The following TMEM108 variants were observed in gnomAD, a reference collection of about 807,000 sequenced individuals.
TMEM108 encodes the protein transmembrane protein 108, also known as cancer/testis antigen 124.
A neutral mutation model predicts 35.1 loss-of-function variants in TMEM108; 12 were observed. That is an observed-to-expected ratio of 0.34 (90% CI 0.22 to 0.55). The LOEUF (loss-of-function observed/expected upper bound fraction) is 0.55. Ranked by LOEUF, TMEM108 falls within the 20% of genes least tolerant of loss-of-function variation. The pLI is 0.89. For missense variants in TMEM108, 680 were observed against 753.3 expected, an observed-to-expected ratio of 0.90 and a Z score of 1.14; for synonymous variants, 287 against 308.6, an observed-to-expected ratio of 0.93 and a Z score of 0.73.
chr3:133,150,928 G>C (rs563648121), intron 2 of TMEM108, among the ~76,000 whole-genome samples: 4 of 152,034 alleles, frequency 2.6e-5, no homozygotes, highest in African/African-American at 9.7e-5. Context: ...AACATTTCCT[G>C]GTCAGTCCCC....
At chr3:133,240,442 G>A (rs561884398) in intron 3 of TMEM108, among the ~76,000 whole-genome samples, 1 of 152,192 alleles carries the variant, frequency 6.6e-6, no homozygotes, top group African/African-American at 2.4e-5. Context: ...AATGCCAATG[G>A]GGACTAAGAA....
At chr3:133,166,139 G>C (rs1223733002) in intron 2 of TMEM108, among the ~76,000 whole-genome samples, 1 of 152,204 alleles carries the variant, frequency 6.6e-6, no homozygotes, top group Non-Finnish European at 1.5e-5. Flanking sequence ...AGTGTTTGTA[G>C]CTGCTAGGGA....
At chr3:133,103,730 T>C (rs1944116482) in intron 2 of TMEM108, among the ~76,000 whole-genome samples, 1 of 152,204 alleles carries the variant, frequency 6.6e-6, no homozygotes, top group African/African-American at 2.4e-5. Flanking sequence ...CATTCCTTGA[T>C]TTCTAATTCC....
At chr3:133,109,342 G>T (rs1352553597) in intron 2 of TMEM108, among the ~76,000 whole-genome samples, 1 of 151,916 alleles carries the variant, frequency 6.6e-6, no homozygotes, top group African/African-American at 2.4e-5. Context: ...CAAATTTGAG[G>T]TACTGCCAGG....
chr3:133,155,105 G>T (rs1244515236), intron 2 of TMEM108, among the ~76,000 whole-genome samples: 1 of 152,026 alleles, frequency 6.6e-6, no homozygotes, highest in Admixed American at 6.6e-5. Flanking sequence ...GAGAACATGT[G>T]GTATTTGGTT....
intron 2 of TMEM108, among the ~76,000 whole-genome samples, chr3:133,152,412 A>G (rs867748382): frequency 6.6e-6 from 1 of 152,206 alleles, no homozygotes; most frequent in Non-Finnish European, 1.5e-5. Context: ...TCATAAGGGC[A>G]GAAGAGAAGC....
intron 3 of TMEM108, among the ~76,000 whole-genome samples, chr3:133,274,265 T>G (rs1946810417): frequency 6.6e-6 from 1 of 152,248 alleles, no homozygotes; most frequent in Non-Finnish European, 1.5e-5. Flanking sequence ...TGTTTTGTTT[T>G]TCATAAACTG....
chr3:133,123,070 C>T (rs1246984529), intron 2 of TMEM108, among the ~76,000 whole-genome samples: 2 of 152,142 alleles, frequency 1.3e-5, no homozygotes, highest in Admixed American at 6.5e-5. Context: ...ACATGTAACA[C>T]ACATCTATGC....
rs557181142 is a variant in TMEM108, at chr3:133,097,010, C to T, written c.-47+50990C>T. ...CTACTTCTTTTCTCTTCTGTCCGCA[C>T]CCTTGCATGTCACGGGAAGGACTAA... On this transcript the variant is annotated intron_variant, in intron 2 of 5. Transcript: ENST00000321871. 4.9e-4 allele frequency among the ~76,000 whole-genome samples: 75 copies of T among 152,180 alleles called. 2 individuals are homozygous for T. The highest frequency in any genetic ancestry group is 1.8e-4 in the Non-Finnish European group (12 of 68,036).
chr3:133,269,058 TCTC>T (rs1946736472), intron 3 of TMEM108, among the ~76,000 whole-genome samples: 1 of 152,224 alleles, frequency 6.6e-6, no homozygotes, highest in Admixed American at 6.5e-5. Flanking sequence ...CTTGTGATGT[TCTC>T]CTGGTCTGCC....
chr3:133,246,676 A>T (rs1013123908), intron 3 of TMEM108: 1 of 152,092 alleles, frequency 6.6e-6, no homozygotes, highest in Non-Finnish European at 1.5e-5. Flanking sequence ...CATCTCATGC[A>T]CTCACTCCAC....
intron 3 of TMEM108, among the ~76,000 whole-genome samples, chr3:133,249,212 G>A (rs1946429977): frequency 6.6e-6 from 1 of 152,186 alleles, no homozygotes; most frequent in Non-Finnish European, 1.5e-5. Flanking sequence ...TGATGTGATA[G>A]GAGGAAGAGA....
intron 2 of TMEM108, among the ~76,000 whole-genome samples, chr3:133,078,385 G>A (rs10512884): frequency 0.18 from 27,089 of 151,954 alleles, 2,867 homozygotes; most frequent in African/African-American, 0.31. Context: ...CAACTAGGCG[G>A]TGTCTGATAC....
intron 4 of TMEM108, among the ~76,000 whole-genome samples, chr3:133,383,279 T>C (rs2073061075): frequency 6.6e-6 from 1 of 152,200 alleles, no homozygotes; most frequent in Non-Finnish European, 1.5e-5. Context: ...GCAAACACAC[T>C]GCTAAACACA....
chr3:133,155,346 G>C (rs1944864963), intron 2 of TMEM108, among the ~76,000 whole-genome samples: 2 of 152,158 alleles, frequency 1.3e-5, no homozygotes, highest in African/African-American at 2.4e-5. Flanking sequence ...TTTTAAGGTA[G>C]AATGATTTAT....
intron 2 of TMEM108, among the ~76,000 whole-genome samples, chr3:133,221,714 T>C (rs1945995864): frequency 6.7e-6 from 1 of 149,784 alleles, no homozygotes; most frequent in African/African-American, 2.4e-5. Context: ...AGTATTTTGC[T>C]TTGTGTTTAC....
chr3:133,287,277 A>G (rs1946999074), intron 3 of TMEM108, among the ~76,000 whole-genome samples: 1 of 152,228 alleles, frequency 6.6e-6, no homozygotes, highest in Admixed American at 6.5e-5. Flanking sequence ...CCTTTTAAAA[A>G]AAGGATCAAG....
chr3:133,316,431 T>A (rs2071200194), intron 3 of TMEM108, among the ~76,000 whole-genome samples: 1 of 152,200 alleles, frequency 6.6e-6, no homozygotes, highest in African/African-American at 2.4e-5. Flanking sequence ...AGAGGCTATA[T>A]CTTTAGCATC....
chr3:133,258,781 A>G (rs1338230384), intron 3 of TMEM108, among the ~76,000 whole-genome samples: 2 of 152,228 alleles, frequency 1.3e-5, no homozygotes, highest in Non-Finnish European at 2.9e-5. Context: ...CCAGGTGAGC[A>G]TACCTCATGG....
Sources: allele counts gnomAD v4.1 joint callset (sites outside exome capture counted in the v4.1 genomes callset), GRCh38; gene constraint gnomAD v4.1.1; transcripts MANE v1.5; gene names NCBI Gene and HGNC (gene_info 2026-07-23, HGNC 2026-07-21).